BCKDHB: variants seen among roughly 807,000 people sequenced by gnomAD.
BCKDHB encodes the protein branched chain keto acid dehydrogenase E1 subunit beta.
Under a neutral mutation model 48.5 loss-of-function variants are expected in BCKDHB, and 41 were observed. That is an observed-to-expected ratio of 0.85 (90% confidence interval 0.66 to 1.10). BCKDHB has a LOEUF of 1.10. Among genes scored for constraint, BCKDHB ranks in the 50% least tolerant of loss-of-function variants. The pLI is 0.00. For synonymous variants in BCKDHB, 201 were observed against 174.8 expected, an observed-to-expected ratio of 1.15 and a Z score of -1.18; for missense variants, 496 against 494.2, an observed-to-expected ratio of 1.00 and a Z score of -0.03.
At chr6:80,171,655 A>C (rs868770370) in intron 6 of BCKDHB, among the ~76,000 whole-genome samples, 15 of 152,260 alleles carry the variant, frequency 9.9e-5, no homozygotes, top group Middle Eastern at 6.8e-3. Context: ...TTAACCACAT[A>C]GTAGGTGCTT....
chr6:80,387,676 C>T, the BCKDHB span, among the ~76,000 whole-genome samples: 1 of 152,264 alleles, frequency 6.6e-6, no homozygotes, highest in East Asian at 1.9e-4. Flanking sequence ...CCACTCCTGT[C>T]CATTAGGCCC....
the BCKDHB span, among the ~76,000 whole-genome samples, chr6:80,392,475 A>C: frequency 0.59 from 90,008 of 151,434 alleles, 27,448 homozygotes; most frequent in African/African-American, 0.7. Flanking sequence ...ATCCCATTGT[A>C]CCTTTCCTAG....
chr6:80,248,447 T>C (rs1375874353), intron 8 of BCKDHB, among the ~76,000 whole-genome samples: 2 of 152,188 alleles, frequency 1.3e-5, no homozygotes, highest in Non-Finnish European at 2.9e-5. Flanking sequence ...TATAAATTGG[T>C]TTGAAAAAAG....
intron 8 of BCKDHB, among the ~76,000 whole-genome samples, chr6:80,255,750 G>A (rs1007892673): frequency 4.6e-5 from 7 of 152,100 alleles, no homozygotes; most frequent in Non-Finnish European, 1.0e-4. Flanking sequence ...ATTTCCTCTG[G>A]ACTATATCTT....
intron 8 of BCKDHB, among the ~76,000 whole-genome samples, chr6:80,217,057 A>G (rs1408232111): frequency 6.6e-6 from 1 of 152,156 alleles, no homozygotes; most frequent in African/African-American, 2.4e-5. Flanking sequence ...AGCCTGACCA[A>G]CATGGTGAAA....
chr6:80,136,530 C>T (rs72908824), intron 3 of BCKDHB, among the ~76,000 whole-genome samples: 29 of 152,040 alleles, frequency 1.9e-4, no homozygotes, highest in South Asian at 2.1e-4. Flanking sequence ...GGAAAAGCTT[C>T]GTGAAATTGG....
At chr6:80,238,804 A>G (rs1582418190) in intron 8 of BCKDHB, among the ~76,000 whole-genome samples, 1 of 151,934 alleles carries the variant, frequency 6.6e-6, no homozygotes, top group Non-Finnish European at 1.5e-5. Flanking sequence ...CCTGTGTCCA[A>G]GTATTCTCAT....
rs1172097580 is a variant in BCKDHB, at chr6:80,171,333, A to G, written c.685A>G (p.Ile229Val). Residue 229 changes from isoleucine to valine, a missense_variant, in exon 6 of 10, where the codon ATA becomes GTA. Coordinates refer to ENST00000320393, the MANE Select transcript of BCKDHB (RefSeq NM_183050.4). ...GGCCAAAGGACTTCTTTTGTCATGC[A>G]TAGAGGATAAAAATCCTTGTATATT... is the stretch of plus-strand genomic sequence containing the variant. ...FQAKGLLLSCIEDKNPCIFFE... is the reference protein window; with the variant it reads ...FQAKGLLLSCVEDKNPCIFFE... 6.2e-7 allele frequency: 1 copy of G among 1,609,062 alleles called. No homozygotes were observed. Among genetic ancestry groups the G allele is most frequent in the Non-Finnish European group, 8.5e-7 (1 of 1,177,990 alleles).
At chr6:80,378,822 T>C in the BCKDHB span, among the ~76,000 whole-genome samples, 1 of 152,116 alleles carries the variant, frequency 6.6e-6, no homozygotes, top group Non-Finnish European at 1.5e-5. Flanking sequence ...TTTGCAATAA[T>C]AGCCACCCTG....
chr6:80,259,559 A>G (rs1338671069), intron 8 of BCKDHB, among the ~76,000 whole-genome samples: 1 of 152,178 alleles, frequency 6.6e-6, no homozygotes, highest in Non-Finnish European at 1.5e-5. Context: ...AGGTCATACA[A>G]TTTTATAGTA....
intron 6 of BCKDHB, among the ~76,000 whole-genome samples, chr6:80,175,198 CAGGAAGGGAGG>C (rs1211962200): frequency 6.6e-6 from 1 of 152,028 alleles, no homozygotes; most frequent in Admixed American, 6.6e-5. Flanking sequence ...TTTCAGCTAC[CAGGAAGGGAGG>C]AGGAGGAAAG....
intron 8 of BCKDHB, among the ~76,000 whole-genome samples, 155 bp from the exon 9 acceptor site, chr6:80,272,980 A>C (rs1487234122): frequency 6.6e-6 from 1 of 152,132 alleles, no homozygotes; most frequent in Non-Finnish European, 1.5e-5. Context: ...GACCTGTCGA[A>C]AGCGAGTTGT....
intron 8 of BCKDHB, among the ~76,000 whole-genome samples, chr6:80,271,792 A>G (rs1035708170): frequency 4.6e-5 from 7 of 150,894 alleles, no homozygotes; most frequent in African/African-American, 1.7e-4. Flanking sequence ...CAGCCTGAGC[A>G]ACAGAGTGAG....
intron 3 of BCKDHB, among the ~76,000 whole-genome samples, chr6:80,139,830 A>G (rs569308349): frequency 1.3e-5 from 2 of 152,102 alleles, no homozygotes; most frequent in Admixed American, 6.6e-5. Context: ...ATTTTTTCCA[A>G]TTCTGTGAAG....
chr6:80,368,629 A>G, the BCKDHB span, among the ~76,000 whole-genome samples: 6 of 152,272 alleles, frequency 3.9e-5, no homozygotes, highest in South Asian at 1.2e-3. Flanking sequence ...TCATCTACAT[A>G]TGCTCACAAC....
intron 9 of BCKDHB, among the ~76,000 whole-genome samples, chr6:80,287,088 G>T (rs1766660112): frequency 6.6e-6 from 1 of 152,102 alleles, no homozygotes; most frequent in African/African-American, 2.4e-5. Context: ...ACTTGTTGTT[G>T]ATCCAACTGT....
chr6:80,223,934 A>G (rs1306174131), intron 8 of BCKDHB, among the ~76,000 whole-genome samples: 1 of 152,150 alleles, frequency 6.6e-6, no homozygotes, highest in Non-Finnish European at 1.5e-5. Context: ...AGTATTTCTG[A>G]CCAGAAGAAT....
At chr6:80,194,688 C>A (rs745583463) in intron 6 of BCKDHB, among the ~76,000 whole-genome samples, 86 of 152,074 alleles carry the variant, frequency 5.7e-4, no homozygotes, top group Non-Finnish European at 9.7e-4. Context: ...ACAGAGTGTC[C>A]ATTTCAGTGC....
At chr6:80,141,722 T>G (rs1201002587) in intron 3 of BCKDHB, among the ~76,000 whole-genome samples, 1 of 152,132 alleles carries the variant, frequency 6.6e-6, no homozygotes, top group African/African-American at 2.4e-5. Context: ...TCATGTATCT[T>G]TTAAGCATCA....
Sources: gnomAD v4.1 joint callset for allele counts (sites outside exome capture counted in the v4.1 genomes callset) on GRCh38, gnomAD v4.1.1 for gene constraint, MANE v1.5 for transcripts, NCBI Gene and HGNC (gene_info 2026-07-23, HGNC 2026-07-21) for gene names.